The following LZTFL1 variants were observed in gnomAD, a reference collection of about 807,000 sequenced individuals.
The protein encoded by LZTFL1 is leucine zipper transcription factor like 1.
In LZTFL1, 25 loss-of-function variants were observed where a neutral mutation model predicts 45.9. The ratio of observed to expected loss-of-function variants is 0.54; its 90% confidence interval spans 0.40 to 0.76. The LOEUF (loss-of-function observed/expected upper bound fraction) is 0.76. LZTFL1 is among the 30% of genes least tolerant of loss of function. LZTFL1 has a pLI of 0.00. For missense variants in LZTFL1, 277 were observed against 331.1 expected (o/e 0.84, Z 1.27); for synonymous variants, 93 against 117.4 (o/e 0.79, Z 1.35).
chr3:45,848,055 A>G (rs954075944), intron 4 of LZTFL1, among the ~76,000 whole-genome samples: 1 of 152,182 alleles, frequency 6.6e-6, no homozygotes, highest in African/African-American at 2.4e-5. Flanking sequence ...CTGGCACTAA[A>G]TTCTCTGGCT....
Position 45,901,745 on chromosome 3 carries a change from T to G in LZTFL1, c.-215+11375A>C. On this transcript the variant is annotated intron_variant, in intron 2 of 4. Coordinates refer to the LZTFL1 transcript ENST00000472635. The surrounding 1 kb of genome is among the most constrained non-coding windows in gnomAD (Gnocchi z 4.3). Reference sequence around the variant, plus strand: ...GCCTGAACCCTGTTCTCTATGTTTTTGTGGGTGAGAGATTCCGCCGGGATC... The same window carrying G: ...GCCTGAACCCTGTTCTCTATGTTTTGGTGGGTGAGAGATTCCGCCGGGATC... 1 of 1,614,206 alleles carries G rather than the reference T, an allele frequency of 6.2e-7. No homozygotes were observed. The highest frequency in any genetic ancestry group is 8.5e-7 in the Non-Finnish European group (1 of 1,180,038).
chr3:45,908,044 C>T (rs953860348), intron 2 of LZTFL1, among the ~76,000 whole-genome samples: 3 of 152,174 alleles, frequency 2.0e-5, no homozygotes, highest in African/African-American at 7.2e-5. Context: ...TAAGGATGAC[C>T]TATAGGAAGC....
At chr3:45,868,231 A>T (rs890091509) in intron 2 of LZTFL1, among the ~76,000 whole-genome samples, 8 of 150,902 alleles carry the variant, frequency 5.3e-5, no homozygotes, top group Non-Finnish European at 1.2e-4. Context: ...CAAAAAAAAA[A>T]AGAGGATTTT....
At chr3:45,902,290 A>T (rs1371700912) in intron 2 of LZTFL1, 1 of 184,306 alleles carries the variant, frequency 5.4e-6, no homozygotes, top group African/African-American at 2.4e-5. Flanking sequence ...ACACAGAAGC[A>T]CTGGCTGCTG....
rs1186171514 is a variant in LZTFL1 at position 45,831,224 on chromosome 3, T to C, written c.457-86A>G. 3.8e-6 allele frequency: 3 copies of C among 782,406 alleles called. No homozygotes were observed. The Admixed American group carries it at 9.4e-5, about 25-fold the overall frequency. The allele number at this position is 782,406 out of a possible 1,614,324, so 48.5% of individuals were successfully genotyped here. ...TACTTGTTTCACTTAAAAATCTAATTTTTAAATTTAAATTACATAATAGCT... is the reference window on the plus strand; with the variant it reads ...TACTTGTTTCACTTAAAAATCTAATCTTTAAATTTAAATTACATAATAGCT... On this transcript the variant is annotated intron_variant, in intron 5 of 9. Coordinates refer to ENST00000296135, the MANE Select transcript of LZTFL1 (RefSeq NM_020347.4).
chr3:45,828,749 G>T (rs2125677058), intron 7 of LZTFL1, 134 bp from the exon 8 acceptor site: 2 of 757,710 alleles, frequency 2.6e-6, no homozygotes, highest in Non-Finnish European at 2.1e-6. Flanking sequence ...TCCCTTGCCA[G>T]CCTAGGTAAG....
chr3:45,849,965 G>A (rs903519894), intron 4 of LZTFL1, among the ~76,000 whole-genome samples: 1 of 152,162 alleles, frequency 6.6e-6, no homozygotes, highest in African/African-American at 2.4e-5. Flanking sequence ...AAGAGAAGCC[G>A]TGAAAACCAT....
intron 2 of LZTFL1, among the ~76,000 whole-genome samples, chr3:45,885,543 C>T (rs1221664367): frequency 6.6e-6 from 1 of 152,126 alleles, no homozygotes; most frequent in African/African-American, 2.4e-5. Flanking sequence ...TTCCAGCACT[C>T]CATGTGTTCC....
Position 45,901,157 on chromosome 3 carries a change from C to T in LZTFL1, c.-215+11963G>A, listed in dbSNP as rs1476133204. On this transcript the variant is annotated intron_variant, in intron 2 of 4. Transcript: ENST00000472635. This position sits in a 1 kb window ranked among gnomAD's most constrained non-coding sequence, Gnocchi z 4.3. ...AGACCTTCATGTGCAAGGTGGTCAA[C>T]AGCATGTACAAGATGAACTTCTACA... 1.9e-6 allele frequency: 3 copies of T among 1,614,092 alleles called. No individual in the cohort carries two copies. The highest frequency in any genetic ancestry group is 2.7e-5 in the African/African-American group (2 of 74,930).
chr3:45,856,393 ATTAAAGAC>A (rs1322597488), intron 3 of LZTFL1, among the ~76,000 whole-genome samples: 1 of 152,214 alleles, frequency 6.6e-6, no homozygotes, highest in Non-Finnish European at 1.5e-5. Flanking sequence ...CTCAAGATGG[ATTAAAGAC>A]TTAAATGTAA....
chr3:45,829,928 ATCC>A (rs1700772239), intron 7 of LZTFL1, among the ~76,000 whole-genome samples: 1 of 152,234 alleles, frequency 6.6e-6, no homozygotes, highest in African/African-American at 2.4e-5. Context: ...TATAAGAAGT[ATCC>A]TCCTATTTTA....
rs1169490157 is a variant in LZTFL1 at position 45,901,189 on chromosome 3, T to C, written c.-215+11931A>G. ...TACAAGATGAACTTCTACAGCTGTG[T>C]GTTGCTGATCATGTGCATCAGCGTG... is the stretch of plus-strand genomic sequence containing the variant. On this transcript the variant is annotated intron_variant, in intron 2 of 4. Transcript: ENST00000472635. The surrounding 1 kb of genome is among the most constrained non-coding windows in gnomAD (Gnocchi z 4.3). 4 of 1,614,174 alleles carry C rather than the reference T, an allele frequency of 2.5e-6. No homozygotes were observed. Among genetic ancestry groups the C allele is most frequent in the Non-Finnish European group, 3.4e-6 (4 of 1,180,022 alleles).
Position 45,895,026 on chromosome 3 carries a change from G to T in LZTFL1, c.-215+18094C>A, listed in dbSNP as rs1374259009. On this transcript the variant is annotated intron_variant, in intron 2 of 4. Transcript: ENST00000472635. Reference sequence around the variant, plus strand: ...TTCCCTTTTTAGGGGGTGTGGGAAGGATCCACTGTGGGGGAAGGATTTATC... The same window carrying T: ...TTCCCTTTTTAGGGGGTGTGGGAAGTATCCACTGTGGGGGAAGGATTTATC... 11 of 1,441,100 alleles carry T rather than the reference G, an allele frequency of 7.6e-6. No individual in the cohort carries two copies. In the Admixed American group the frequency reaches 1.8e-4, roughly 24 times the overall value. 89.3% of individuals were successfully genotyped at this position (1,441,100 alleles called of 1,614,324 possible).
At chr3:45,896,687 T>C (rs1367420320) in intron 2 of LZTFL1, among the ~76,000 whole-genome samples, 1 of 152,188 alleles carries the variant, frequency 6.6e-6, no homozygotes, top group South Asian at 2.1e-4. Flanking sequence ...GGTCTCAATG[T>C]TGGGATTTAA....
chr3:45,875,743 G>A (rs1211877010), intron 2 of LZTFL1, among the ~76,000 whole-genome samples: 1 of 152,188 alleles, frequency 6.6e-6, no homozygotes, highest in Non-Finnish European at 1.5e-5. Flanking sequence ...GATCAAACGT[G>A]AAAATTATTT....
At position 45,825,136 on chromosome 3, in the gene LZTFL1, G is replaced by T. The variant is rs1317882217; in HGVS notation, c.*1178C>A. ...CTCCAATCAGTAAACTCGTTTCTTG[G>T]AATAAAATCTTCATTTGTGGAAATG... On this transcript the variant is annotated 3_prime_UTR_variant, in exon 10 of 10. Transcript: ENST00000296135. 5.8e-5 allele frequency: 21 copies of T among 364,994 alleles called. No homozygotes were observed. In the East Asian group the frequency reaches 8.2e-4, roughly 14 times the overall value. The allele number at this position is 364,994 out of a possible 1,614,324, so 22.6% of individuals were successfully genotyped here.
At chr3:45,842,239 G>A, upstream of LZTFL1, 2 of 1,288,454 alleles carry the variant, frequency 1.6e-6, no homozygotes, top group South Asian at 3.1e-5. Context: ...TGGCTTCCAG[G>A]GCCGGAAGTC....
At chr3:45,850,299 G>A (rs1701287643) in intron 4 of LZTFL1, among the ~76,000 whole-genome samples, 1 of 152,134 alleles carries the variant, frequency 6.6e-6, no homozygotes, top group South Asian at 2.1e-4. Flanking sequence ...GTGAATGTAG[G>A]TAACTTTTAC....
chr3:45,910,374 G>C (rs2125772950), intron 2 of LZTFL1, among the ~76,000 whole-genome samples: 1 of 152,306 alleles, frequency 6.6e-6, no homozygotes, highest in South Asian at 2.1e-4. Context: ...GGATGACTTG[G>C]GTTTTGAATC....
Sources: gnomAD v4.1 joint callset for allele counts (sites outside exome capture counted in the v4.1 genomes callset) on GRCh38, gnomAD v4.1.1 for gene constraint, Gnocchi (gnomAD v3.1) non-coding constraint, MANE v1.5 for transcripts, NCBI Gene and HGNC (gene_info 2026-07-23, HGNC 2026-07-21) for gene names.